ABI2: variants seen among roughly 807,000 people sequenced by gnomAD.
ABI2 encodes abelson interactor 2.
Under a neutral mutation model 59.2 loss-of-function variants are expected in ABI2, and 25 were observed. The ratio of observed to expected loss-of-function variants is 0.42; its 90% CI spans 0.31 to 0.59. The LOEUF (loss-of-function observed/expected upper bound fraction) is 0.59. Among genes scored for constraint, ABI2 ranks in the 20% least tolerant of loss-of-function variants. The pLI is 0.14. For missense variants in ABI2, 545 were observed against 681.8 expected, an observed-to-expected ratio of 0.80 and a Z score of 2.23; for synonymous variants, 213 against 235.5, an observed-to-expected ratio of 0.90 and a Z score of 0.87.
intron 1 of ABI2, among the ~76,000 whole-genome samples, chr2:203,344,771 A>G (rs1464497312): frequency 6.6e-6 from 1 of 152,102 alleles, no homozygotes; most frequent in Admixed American, 6.6e-5. Context: ...CACTCTGTAA[A>G]AACGGACCAA....
At position 203,394,718 on chromosome 2, in the gene ABI2, C is replaced by A; in HGVS notation, c.597C>A (p.Arg199=). 6.2e-7 allele frequency: 1 copy of A among 1,614,032 alleles called. No homozygotes were observed. The highest frequency in any genetic ancestry group is 1.3e-5 in the African/African-American group (1 of 75,034). ...TTTGTAGGCGGCACTCCCCCTATCG[C>A]ACACTGGAGCCAGTGCGTCCTCCAG... ...KGTLGRHSPY[R]TLEPVRPPVV... The change falls in exon 6 of 12, where the codon CGC becomes CGA. Residue 199 remains arginine, a synonymous_variant. Coordinates refer to ENST00000261018, the MANE Select transcript of ABI2 (RefSeq NM_001375670.1).
intron 1 of ABI2, among the ~76,000 whole-genome samples, chr2:203,365,622 C>CTTTTTTTTTTT (rs71007507): frequency 1.6e-5 from 1 of 63,908 alleles, no homozygotes; most frequent in African/African-American, 6.0e-5. Flanking sequence ...GGGCTGTTAT[C>CTTTTTTTTTTT]TTTTTTTTTT....
At chr2:203,361,534 TTGCTGCAC>T in intron 1 of ABI2, among the ~76,000 whole-genome samples, 1 of 152,210 alleles carries the variant, frequency 6.6e-6, no homozygotes, top group South Asian at 2.1e-4. Flanking sequence ...AGGGGACAGT[TTGCTGCAC>T]TGAATTTTCT....
intron 2 of ABI2, among the ~76,000 whole-genome samples, chr2:203,370,253 CTTT>C (rs1292758028): frequency 8.2e-6 from 1 of 121,484 alleles, no homozygotes. Flanking sequence ...TGTGTGTGTA[CTTT>C]TTTTTTTTTG....
Position 203,411,267 on chromosome 2 carries a change from C to A in ABI2, c.1193-18C>A, listed in dbSNP as rs371941606. 13 of 1,597,998 alleles carry A rather than the reference C, an allele frequency of 8.1e-6. No homozygotes were observed. The highest frequency in any genetic ancestry group is 1.1e-5 in the Non-Finnish European group (13 of 1,165,588). Reference sequence around the variant, plus strand: ...TCGCCCTTATCCCTTATCCTCCACACCTTTTTTGTTTTTGCAGTATCTCTT... The same window carrying A: ...TCGCCCTTATCCCTTATCCTCCACAACTTTTTTGTTTTTGCAGTATCTCTT... On this transcript the variant is annotated intron_variant, in intron 9 of 11. Transcript: ENST00000261018.
chr2:203,352,225 C>T (rs993895156), intron 1 of ABI2, among the ~76,000 whole-genome samples: 3 of 151,878 alleles, frequency 2.0e-5, no homozygotes, highest in South Asian at 2.1e-4. Context: ...TTTGGGAGCC[C>T]GAGATGGAAG....
chr2:203,399,296 T>C (rs1559333685), intron 8 of ABI2, among the ~76,000 whole-genome samples: 1 of 152,220 alleles, frequency 6.6e-6, no homozygotes, highest in Non-Finnish European at 1.5e-5. Flanking sequence ...TAATGACTAA[T>C]GATATTGAAC....
intron 1 of ABI2, among the ~76,000 whole-genome samples, chr2:203,351,120 C>T (rs184048806): frequency 3.7e-4 from 56 of 152,226 alleles, no homozygotes; most frequent in African/African-American, 1.3e-3. Context: ...TTCTTTCCCT[C>T]GTTAAATTGT....
intron 1 of ABI2, among the ~76,000 whole-genome samples, chr2:203,344,656 T>C (rs2082094793): frequency 6.6e-6 from 1 of 152,066 alleles, no homozygotes; most frequent in Non-Finnish European, 1.5e-5. Context: ...GCTGGGCTTC[T>C]GGGTCCGGTG....
At chr2:203,390,271 G>C (rs1196789604) in intron 4 of ABI2, among the ~76,000 whole-genome samples, 1 of 152,142 alleles carries the variant, frequency 6.6e-6, no homozygotes, top group Non-Finnish European at 1.5e-5. Context: ...AGTTACAGTG[G>C]ATCATATGCA....
intron 1 of ABI2, among the ~76,000 whole-genome samples, chr2:203,330,166 A>G (rs1188377750): frequency 6.6e-6 from 1 of 150,478 alleles, no homozygotes; most frequent in Non-Finnish European, 1.5e-5. Context: ...GTTTGATTAG[A>G]CATACTGTTA....
chr2:203,366,107 G>C (rs983331238), intron 1 of ABI2, among the ~76,000 whole-genome samples: 1 of 151,762 alleles, frequency 6.6e-6, no homozygotes, highest in Non-Finnish European at 1.5e-5. Context: ...ATTTTAAAAT[G>C]GAAAAGAAGA....
intron 4 of ABI2, among the ~76,000 whole-genome samples, chr2:203,387,862 C>T (rs1318982275): frequency 2.6e-5 from 4 of 152,148 alleles, no homozygotes; most frequent in Admixed American, 6.5e-5. Context: ...CTGTCGCTGT[C>T]GTTAAGTTCC....
intron 2 of ABI2, among the ~76,000 whole-genome samples, chr2:203,368,011 AAAT>A (rs2094640209): frequency 6.6e-6 from 1 of 152,160 alleles, no homozygotes; most frequent in South Asian, 2.1e-4. Context: ...CTCCAAAAAA[AAAT>A]AAAAAAAAGT....
At position 203,417,090 on chromosome 2, in the gene ABI2, CA is replaced by C; in HGVS notation, c.1453+10del. On this transcript the variant is annotated intron_variant, in intron 11 of 11. Transcript: ENST00000261018. ...TTCTTACTTGGAAAAGGGTAAGTTT[CA>C]GAAGGATATCTGGATAGATGGGAAG... The C allele has an allele frequency of 6.2e-7, 1 of 1,604,832 alleles. No individual in the cohort carries two copies.
intron 2 of ABI2, among the ~76,000 whole-genome samples, chr2:203,370,542 G>A (rs2095065854): frequency 1.3e-5 from 2 of 152,196 alleles, no homozygotes; most frequent in South Asian, 2.1e-4. Context: ...AAAGCAGGCA[G>A]CGGGCCACAT....
intron 2 of ABI2, among the ~76,000 whole-genome samples, chr2:203,371,519 CT>C (rs2095197436): frequency 6.6e-6 from 1 of 152,106 alleles, no homozygotes; most frequent in African/African-American, 2.4e-5. Flanking sequence ...AGGGTTGGTT[CT>C]TAACATGGAT....
chr2:203,358,461 GAACAAACTT>G (rs1467703367), intron 1 of ABI2, among the ~76,000 whole-genome samples: 2 of 152,066 alleles, frequency 1.3e-5, no homozygotes, highest in Non-Finnish European at 2.9e-5. Context: ...AATGTAGTTT[GAACAAACTT>G]AAACAACAAA....
At chr2:203,408,314 T>A (rs183143730) in intron 9 of ABI2, among the ~76,000 whole-genome samples, 1 of 151,704 alleles carries the variant, frequency 6.6e-6, no homozygotes, top group African/African-American at 2.4e-5. Context: ...AGGCACCTGC[T>A]ACCACACCTG....
Sources: allele counts gnomAD v4.1 joint callset (sites outside exome capture counted in the v4.1 genomes callset), GRCh38; gene constraint gnomAD v4.1.1; transcripts MANE v1.5; gene names NCBI Gene and HGNC (gene_info 2026-07-23, HGNC 2026-07-21).